The following TBC1D23 variants were observed in gnomAD, a reference collection of about 807,000 sequenced individuals.
TBC1D23 encodes HCV non-structural protein 4A-transactivated protein 1.
A neutral mutation model predicts 91.4 loss-of-function variants in TBC1D23; 55 were observed. The observed-to-expected ratio is 0.60, with a 90% CI of 0.48 to 0.75. The LOEUF is 0.75. Among genes scored for constraint, TBC1D23 ranks in the 30% least tolerant of loss-of-function variants. The pLI, the probability that TBC1D23 is intolerant of heterozygous loss-of-function variation, is 0.00. For missense variants in TBC1D23, 725 were observed against 836.1 expected, an observed-to-expected ratio of 0.87 and a Z score of 1.64; for synonymous variants, 289 against 281.0, an observed-to-expected ratio of 1.03 and a Z score of -0.28.
At chr3:100,305,516 A>G (rs1281629181) in intron 12 of TBC1D23, among the ~76,000 whole-genome samples, 2 of 152,148 alleles carry the variant, frequency 1.3e-5, no homozygotes, top group Non-Finnish European at 2.9e-5. Flanking sequence ...TGAGCTGTAA[A>G]TGCTGGGGAA....
intron 4 of TBC1D23, among the ~76,000 whole-genome samples, chr3:100,288,943 G>A (rs1223174019): frequency 6.6e-6 from 1 of 152,162 alleles, no homozygotes; most frequent in Non-Finnish European, 1.5e-5. Flanking sequence ...GCCCGGCATG[G>A]TGGCTCATGC....
intron 1 of TBC1D23, among the ~76,000 whole-genome samples, chr3:100,261,984 C>G (rs1361904869): frequency 6.6e-6 from 1 of 152,058 alleles, no homozygotes; most frequent in African/African-American, 2.4e-5. Flanking sequence ...CTCATGGGCA[C>G]TTTAAAAATA....
intron 16 of TBC1D23, among the ~76,000 whole-genome samples, chr3:100,318,453 C>G (rs1171680840): frequency 6.6e-6 from 1 of 151,984 alleles, no homozygotes; most frequent in Non-Finnish European, 1.5e-5. Context: ...TCTTTACAGA[C>G]TAGTCAGATC....
Position 100,287,877 on chromosome 3 carries a change from C to T in TBC1D23, c.477-2701C>T, listed in dbSNP as rs142898721. 1.5e-3 allele frequency among the ~76,000 whole-genome samples: 229 copies of T among 151,960 alleles called. 1 individual carries two copies. Among genetic ancestry groups the T allele is most frequent in the African/African-American group, 5.2e-3 (217 of 41,430 alleles). On this transcript the variant is annotated intron_variant, in intron 4 of 18. Transcript: ENST00000394144. Reference sequence around the variant, plus strand: ...CAAGTGATCCTCCCTCCTCAGCCTCCTGAGTAGCTGGGACTACACGTACAT... The same window carrying T: ...CAAGTGATCCTCCCTCCTCAGCCTCTTGAGTAGCTGGGACTACACGTACAT...
rs142955581 is a variant in TBC1D23 at position 100,291,271 on chromosome 3, A to G, written c.600+570A>G. ...CTCTTAAAATTTGTTGATGATCCATATGGATTATATTGAGAAGTTGTTAAA... is the reference window on the plus strand; with the variant it reads ...CTCTTAAAATTTGTTGATGATCCATGTGGATTATATTGAGAAGTTGTTAAA... On this transcript the variant is annotated intron_variant, in intron 5 of 18. Coordinates refer to ENST00000394144, the MANE Select transcript of TBC1D23 (RefSeq NM_001199198.3). Among the ~76,000 whole-genome samples, 16 of 152,256 alleles carry G rather than the reference A, an allele frequency of 1.1e-4. No homozygotes were observed. In the East Asian group the frequency reaches 2.9e-3, roughly 28 times the overall value.
chr3:100,302,861 T>A (rs1576178209), intron 11 of TBC1D23, among the ~76,000 whole-genome samples: 1 of 152,240 alleles, frequency 6.6e-6, no homozygotes, highest in Admixed American at 6.5e-5. Context: ...GTGCTGGAAT[T>A]ACAGGCATGA....
In TBC1D23 at chr3:100,279,641, T is replaced by A. The variant is rs2067678292; in HGVS notation, c.54-8T>A. 5.8e-6 allele frequency: 9 copies of A among 1,558,996 alleles called. No homozygotes were observed. The highest frequency in any genetic ancestry group is 7.9e-6 in the Non-Finnish European group (9 of 1,140,862). Reference sequence around the variant, plus strand: ...AGTTCATTTTAATAAATAGGACTTATTTTTTAGGGAAAAAGATCTTGAAGA... The same window carrying A: ...AGTTCATTTTAATAAATAGGACTTAATTTTTAGGGAAAAAGATCTTGAAGA... On this transcript the variant is annotated splice_polypyrimidine_tract_variant and splice_region_variant and intron_variant, in intron 1 of 18. Transcript: ENST00000394144.
At chr3:100,266,443 A>G (rs937401441) in intron 1 of TBC1D23, among the ~76,000 whole-genome samples, 3 of 151,918 alleles carry the variant, frequency 2.0e-5, no homozygotes, top group Admixed American at 2.0e-4. Context: ...TAATTTTTGT[A>G]TTTTTAGTAG....
intron 15 of TBC1D23, among the ~76,000 whole-genome samples, chr3:100,315,397 G>A (rs942586554): frequency 6.6e-6 from 1 of 151,952 alleles, no homozygotes; most frequent in Non-Finnish European, 1.5e-5. Context: ...CCCGACCTCA[G>A]GTGATCCACC....
At chr3:100,310,304 G>T in intron 13 of TBC1D23, 99 bp from the exon 14 acceptor site, 1 of 1,054,868 alleles carries the variant, frequency 9.5e-7, no homozygotes, top group East Asian at 2.4e-5. Flanking sequence ...TATGATTTTG[G>T]TGGGATTGCA....
rs183370322 is a variant in TBC1D23, at chr3:100,312,255, G to A, written c.1598+378G>A. ...CTTCTATCTCCCGCCTAGCAGCAGAGAAAATTATAGCACCTAAAAATAGGC... is the reference window on the plus strand; with the variant it reads ...CTTCTATCTCCCGCCTAGCAGCAGAAAAAATTATAGCACCTAAAAATAGGC... On this transcript the variant is annotated intron_variant, in intron 15 of 18. Transcript: ENST00000394144. 4.7e-3 allele frequency among the ~76,000 whole-genome samples: 713 copies of A among 152,238 alleles called. 2 individuals are homozygous for A. The highest frequency in any genetic ancestry group is 6.4e-3 in the Non-Finnish European group (433 of 68,006).
chr3:100,319,275 C>T, intron 17 of TBC1D23, 71 bp downstream of exon 17: 1 of 1,236,500 alleles, frequency 8.1e-7, no homozygotes, highest in Non-Finnish European at 1.2e-6. Context: ...AACTGAACTA[C>T]AGAAGAACCT....
intron 16 of TBC1D23, among the ~76,000 whole-genome samples, chr3:100,317,219 G>A (rs949793133): frequency 2.0e-5 from 3 of 152,082 alleles, no homozygotes; most frequent in Admixed American, 6.5e-5. Context: ...GTTAATATGT[G>A]TACTGAGTTA....
At chr3:100,287,061 C>G (rs2067749964) in intron 4 of TBC1D23, among the ~76,000 whole-genome samples, 1 of 152,166 alleles carries the variant, frequency 6.6e-6, no homozygotes, top group Non-Finnish European at 1.5e-5. Context: ...GATCCGCCCC[C>G]TTCGGCCTCC....
At position 100,324,577 on chromosome 3, in the gene TBC1D23, A is replaced by G. The variant is rs935814875; in HGVS notation, c.*909A>G. 6.6e-6 allele frequency: 1 copy of G among 152,150 alleles called. No homozygotes were observed. Among genetic ancestry groups the G allele is most frequent in the Non-Finnish European group, 1.5e-5 (1 of 68,022 alleles). The allele number at this position is 152,150 out of a possible 1,614,324, so 9.4% of individuals were successfully genotyped here. The stretch of plus-strand genomic sequence containing the variant: ...AATAATCAGAGAGCTTATAAAGTAC[A>G]ATTGTTTTTGTCATCATTTTCTGAA... On this transcript the variant is annotated 3_prime_UTR_variant, in exon 19 of 19. Coordinates refer to ENST00000394144, the MANE Select transcript of TBC1D23 (RefSeq NM_001199198.3).
intron 15 of TBC1D23, 119 bp from the exon 16 acceptor site, chr3:100,315,980 T>A (rs978842989): frequency 5.3e-6 from 4 of 757,788 alleles, no homozygotes; most frequent in Non-Finnish European, 9.2e-6. Flanking sequence ...GTACATGGGG[T>A]TTTGGGGGGG....
At chr3:100,274,692 C>T (rs1319172723) in intron 1 of TBC1D23, among the ~76,000 whole-genome samples, 1 of 150,472 alleles carries the variant, frequency 6.6e-6, no homozygotes, top group African/African-American at 2.4e-5. Context: ...GTAATGTTGT[C>T]AAGGTTCATC....
chr3:100,308,161 T>C (rs561056659), intron 13 of TBC1D23, among the ~76,000 whole-genome samples: 1 of 152,194 alleles, frequency 6.6e-6, no homozygotes, highest in Non-Finnish European at 1.5e-5. Context: ...ATTTTTTTTG[T>C]TGTTAATGAC....
At chr3:100,292,828 T>G (rs1051700480) in intron 5 of TBC1D23, among the ~76,000 whole-genome samples, 1 of 152,206 alleles carries the variant, frequency 6.6e-6, no homozygotes, top group Non-Finnish European at 1.5e-5. Context: ...CTCAATCTCC[T>G]GGGCTCAAGC....
Sources: allele counts gnomAD v4.1 joint callset (sites outside exome capture counted in the v4.1 genomes callset), GRCh38; gene constraint gnomAD v4.1.1; transcripts MANE v1.5; gene names NCBI Gene and HGNC (gene_info 2026-07-23, HGNC 2026-07-21).